Variants in REV3L observed in about 807,000 individuals in gnomAD.
REV3L encodes DNA polymerase zeta catalytic subunit.
REV3L carries 69 observed loss-of-function variants against 299.4 expected under a neutral mutation model. The observed-to-expected ratio is 0.23, with a 90% confidence interval of 0.19 to 0.28. The LOEUF (loss-of-function observed/expected upper bound fraction) is 0.28. REV3L is among the 10% of genes least tolerant of loss of function. REV3L has a pLI of 1.00. For synonymous variants in REV3L, 1,238 were observed against 1,271.4 expected (o/e 0.97, Z 0.56); for missense variants, 3,128 against 3,693.8 (o/e 0.85, Z 3.97).
At chr6:111,309,717 C>G in intron 30 of REV3L, 136 bp downstream of exon 30, 1 of 925,038 alleles carries the variant, frequency 1.1e-6, no homozygotes, top group Non-Finnish European at 1.5e-6. Context: ...TCCCGCTTTC[C>G]GTATCATTTT....
intron 1 of REV3L, among the ~76,000 whole-genome samples, chr6:111,462,183 T>C (rs770247146): frequency 6.6e-6 from 1 of 152,154 alleles, no homozygotes; most frequent in African/African-American, 2.4e-5. Context: ...TCTGCAACCA[T>C]CTCCCCAGTT....
In REV3L at chr6:111,376,214, T is replaced by C. The variant is rs1780288789; in HGVS notation, c.2141A>G (p.His714Arg). 6.2e-7 allele frequency: 1 copy of C among 1,613,476 alleles called. No individual in the cohort carries two copies. The highest frequency in any genetic ancestry group is 1.1e-5 in the South Asian group (1 of 91,048). The change falls in exon 13 of 32, where the codon CAT (histidine) becomes CGT (arginine). Residue 714 changes from histidine to arginine, a missense_variant. By Grantham distance (29) the His-to-Arg change is conservative. Around this residue, in one of 9 missense-constraint regions of REV3L, gnomAD observed 2,409 missense variants for 2,611.8 expected, o/e 0.92. Transcript: ENST00000368802. ...TTCAGAGGATACTTTATTTTTTGAATGATTTAAGTCAGAAAAGTTGAAAGA... is the reference window on the plus strand; with the variant it reads ...TTCAGAGGATACTTTATTTTTTGAACGATTTAAGTCAGAAAAGTTGAAAGA... ...KNSFNFSDLN[H>R]SKNKVSSEGN...
intron 10 of REV3L, 33 bp downstream of exon 10, chr6:111,381,292 A>G: frequency 6.2e-7 from 1 of 1,607,160 alleles, no homozygotes; most frequent in East Asian, 2.2e-5. Context: ...CTGAATTACA[A>G]TACTGAATAT....
At chr6:111,474,036 C>T (rs1029216976) in intron 1 of REV3L, among the ~76,000 whole-genome samples, 7 of 149,838 alleles carry the variant, frequency 4.7e-5, no homozygotes, top group Admixed American at 1.3e-4. Flanking sequence ...CATTTGGAGG[C>T]ATCTACACAG....
chr6:111,349,176 G>A (rs750774931), intron 20 of REV3L, 42 bp downstream of exon 20: 30 of 990,258 alleles, frequency 3.0e-5, no homozygotes, highest in African/African-American at 9.5e-5. Context: ...TATATTGACC[G>A]AATATCTTAT....
intron 16 of REV3L, among the ~76,000 whole-genome samples, chr6:111,363,360 T>C (rs1582690924): frequency 6.6e-6 from 1 of 152,054 alleles, no homozygotes; most frequent in African/African-American, 2.4e-5. Flanking sequence ...GGCTGGAGTG[T>C]AGTGGCGCAA....
At chr6:111,357,653 A>C (rs921390292) in intron 17 of REV3L, among the ~76,000 whole-genome samples, 1 of 152,072 alleles carries the variant, frequency 6.6e-6, no homozygotes, top group Admixed American at 6.5e-5. Context: ...AGATCGCACC[A>C]CTGCACTCCA....
At chr6:111,303,980 A>C (rs1415282626) in intron 31 of REV3L, among the ~76,000 whole-genome samples, 1 of 152,126 alleles carries the variant, frequency 6.6e-6, no homozygotes. Flanking sequence ...TTGGCCTCCC[A>C]AAGTGTTGGG....
rs185417560 is a variant in REV3L at position 111,456,814 on chromosome 6, A to C, written c.139+25936T>G. ...CCTGAATTGATGTAAATTTAATAGA[A>C]GCGTATCTTGCTTCCCTTTGCAGGT... is the stretch of plus-strand genomic sequence containing the variant. On this transcript the variant is annotated intron_variant, in intron 1 of 31. Transcript: ENST00000368802. Among the ~76,000 whole-genome samples, 277 of 152,278 alleles carry C rather than the reference A, an allele frequency of 1.8e-3. 1 individual carries two copies. The highest frequency in any genetic ancestry group is 3.2e-3 in the Non-Finnish European group (220 of 67,976).
At chr6:111,442,638 G>A (rs1788404135) in intron 1 of REV3L, among the ~76,000 whole-genome samples, 1 of 152,104 alleles carries the variant, frequency 6.6e-6, no homozygotes, top group Non-Finnish European at 1.5e-5. Context: ...TTGAGGTTAT[G>A]TTTTGCCATT....
chr6:111,376,710 C>A lies in REV3L; in HGVS notation c.1645G>T (p.Ala549Ser). ...GGTTTAACTGAAAGCTTGCTTGTTG[C>A]AATTACAGAAGAGTGGGTTCTAGAA... ...ENSRTHSSVI[A>S]TSKLSVKPSI... The change falls in exon 13 of 32, where the codon GCA becomes TCA. Residue 549 changes from alanine (A) to serine (S), a missense_variant. Physicochemically the swap from Ala to Ser is moderately conservative, Grantham distance 99. Coordinates refer to ENST00000368802, the MANE Select transcript of REV3L (RefSeq NM_001372078.1). 1.2e-6 allele frequency: 2 copies of A among 1,603,158 alleles called. No individual in the cohort carries two copies. Among genetic ancestry groups the A allele is most frequent in the Non-Finnish European group, 1.7e-6 (2 of 1,179,024 alleles).
At chr6:111,431,930 G>T in intron 1 of REV3L, 1 of 324,264 alleles carries the variant, frequency 3.1e-6, no homozygotes, top group South Asian at 6.2e-5. Flanking sequence ...GGTTGGACTT[G>T]TATTAGGTAA....
At chr6:111,314,330 C>G (rs1344199025) in intron 27 of REV3L, among the ~76,000 whole-genome samples, 1 of 152,174 alleles carries the variant, frequency 6.6e-6, no homozygotes, top group East Asian at 1.9e-4. Context: ...GGTCTAAGTT[C>G]ACTCCCTTTA....
At chr6:111,312,328 A>G (rs1336841491) in intron 28 of REV3L, 2 of 152,144 alleles carry the variant, frequency 1.3e-5, no homozygotes, top group Admixed American at 6.5e-5. Context: ...TCAATCCACT[A>G]TGCTTTTAAT....
chr6:111,444,668 C>T (rs1482899068), intron 1 of REV3L, among the ~76,000 whole-genome samples: 1 of 152,164 alleles, frequency 6.6e-6, no homozygotes, highest in African/African-American at 2.4e-5. Flanking sequence ...AAAATTCCTA[C>T]AAACTTCTTT....
In REV3L at chr6:111,380,084, T is replaced by A. The variant is rs1780673604; in HGVS notation, c.1352A>T (p.Asp451Val). 2 of 1,613,838 alleles carry A rather than the reference T, an allele frequency of 1.2e-6. No homozygotes were observed. The highest frequency in any genetic ancestry group is 1.7e-6 in the Non-Finnish European group (2 of 1,179,890). The part of the protein sequence containing the change: ...GNNKYPQNSD[D>V]EENEPQIEKE... ...TTCAATCTGTGGTTCATTTTCTTCA[T>A]CATCACTATTTTGTGGATATTTATT... The change falls in exon 11 of 32, where the codon GAT becomes GTT. Residue 451 changes from aspartate to valine, a missense_variant. Coordinates refer to ENST00000368802, the MANE Select transcript of REV3L (RefSeq NM_001372078.1).
In REV3L at chr6:111,375,308, T is replaced by G. The variant is rs1269570953; in HGVS notation, c.3047A>C (p.Lys1016Thr). 4 of 1,584,700 alleles carry G rather than the reference T, an allele frequency of 2.5e-6. No individual in the cohort carries two copies. Among genetic ancestry groups the G allele is most frequent in the Non-Finnish European group, 3.4e-6 (4 of 1,173,074 alleles). ...CCAAAAGTCCTTCAAAGGTGCAAGCTTTTTATATAGTTCCATTTTTTCTTC... is the reference window on the plus strand; with the variant it reads ...CCAAAAGTCCTTCAAAGGTGCAAGCGTTTTATATAGTTCCATTTTTTCTTC... ...LTEEKMELYK[K>T]LAPLKDFWPK... Residue 1016 changes from lysine to threonine, a missense_variant, in exon 13 of 32, where the codon AAG (lysine) becomes ACG (threonine). Around this residue, in one of 9 missense-constraint regions of REV3L, gnomAD observed 2,409 missense variants for 2,611.8 expected, o/e 0.92. Coordinates refer to ENST00000368802, the MANE Select transcript of REV3L (RefSeq NM_001372078.1).
chr6:111,455,298 C>A (rs879939136), intron 1 of REV3L, among the ~76,000 whole-genome samples: 1 of 152,042 alleles, frequency 6.6e-6, no homozygotes, highest in Non-Finnish European at 1.5e-5. Flanking sequence ...AGGGATGACA[C>A]CACACCAGAC....
chr6:111,477,610 TA>T (rs1218907766), intron 1 of REV3L, among the ~76,000 whole-genome samples: 3 of 151,692 alleles, frequency 2.0e-5, no homozygotes, highest in Non-Finnish European at 4.4e-5. Flanking sequence ...ACAAAAAGAG[TA>T]AGTCAAGAAC....
Sources: gnomAD v4.1 joint callset for allele counts (sites outside exome capture counted in the v4.1 genomes callset) on GRCh38, gnomAD v4.1.1 for gene constraint, gnomAD v4.1.1 regional missense constraint, MANE v1.5 for transcripts, NCBI Gene and HGNC (gene_info 2026-07-23, HGNC 2026-07-21) for gene names.